The following AFAP1L1 variants were observed in gnomAD, a reference collection of about 807,000 sequenced individuals.
AFAP1L1 encodes the protein actin filament associated protein 1 like 1.
Under a neutral mutation model 99.8 loss-of-function variants are expected in AFAP1L1, and 77 were observed. That is an observed-to-expected ratio of 0.77 (90% confidence interval 0.64 to 0.93). AFAP1L1 has a LOEUF of 0.93. AFAP1L1 is among the 40% of genes least tolerant of loss of function. AFAP1L1 has a pLI of 0.00. For missense variants in AFAP1L1, 893 were observed against 996.8 expected, an observed-to-expected ratio of 0.90 and a Z score of 1.40; for synonymous variants, 373 against 395.3, an observed-to-expected ratio of 0.94 and a Z score of 0.67.
intron 16 of AFAP1L1, among the ~76,000 whole-genome samples, chr5:149,331,265 C>T (rs974953793): frequency 1.3e-5 from 2 of 151,984 alleles, no homozygotes; most frequent in Non-Finnish European, 2.9e-5. Flanking sequence ...AATGAGACTT[C>T]ATCTCTATTT....
intron 1 of AFAP1L1, among the ~76,000 whole-genome samples, chr5:149,283,532 T>C (rs1010850696): frequency 6.6e-6 from 1 of 152,216 alleles, no homozygotes; most frequent in African/African-American, 2.4e-5. Flanking sequence ...GAACATACCT[T>C]ACAATTGACA....
chr5:149,330,423 C>T (rs897207930), intron 16 of AFAP1L1, among the ~76,000 whole-genome samples: 1 of 152,186 alleles, frequency 6.6e-6, no homozygotes, highest in Non-Finnish European at 1.5e-5. Context: ...TTCTATATAA[C>T]ATGTCCACAA....
At chr5:149,274,884 C>CAAA (rs60097014) in intron 1 of AFAP1L1, among the ~76,000 whole-genome samples, 14 of 123,512 alleles carry the variant, frequency 1.1e-4, no homozygotes, top group African/African-American at 3.0e-4. Flanking sequence ...GATTCTGTCT[C>CAAA]AAAAAAAAAA....
intron 12 of AFAP1L1, among the ~76,000 whole-genome samples, chr5:149,318,412 C>G (rs2127599377): frequency 6.6e-6 from 1 of 152,348 alleles, no homozygotes; most frequent in South Asian, 2.1e-4. Flanking sequence ...GTACCCTCCT[C>G]TGGTGGAGGA....
At chr5:149,293,300 C>G (rs895322904) in intron 1 of AFAP1L1, among the ~76,000 whole-genome samples, 1 of 152,186 alleles carries the variant, frequency 6.6e-6, no homozygotes, top group African/African-American at 2.4e-5. Context: ...AAATTTCCCC[C>G]AGAGGCCCAC....
intron 2 of AFAP1L1, among the ~76,000 whole-genome samples, 167 bp downstream of exon 2, chr5:149,299,804 G>A (rs187071070): frequency 5.3e-5 from 8 of 151,650 alleles, no homozygotes; most frequent in Non-Finnish European, 7.4e-5. Context: ...CATTCCATGC[G>A]AGCTCTTGCC....
chr5:149,339,178 CT>C (rs35468603), intron 18 of AFAP1L1, among the ~76,000 whole-genome samples: 3,507 of 126,112 alleles, frequency 0.028, 77 homozygotes, highest in African/African-American at 0.091. Flanking sequence ...CCCAATAAAG[CT>C]TTTTTTTTTT....
At chr5:149,290,883 T>G (rs991815644) in intron 1 of AFAP1L1, among the ~76,000 whole-genome samples, 5 of 152,262 alleles carry the variant, frequency 3.3e-5, no homozygotes, top group Non-Finnish European at 5.9e-5. Flanking sequence ...ACTTAAACAT[T>G]TGCCCTATGT....
intron 1 of AFAP1L1, among the ~76,000 whole-genome samples, chr5:149,274,901 A>AG (rs961960548): frequency 2.6e-5 from 4 of 151,368 alleles, no homozygotes; most frequent in African/African-American, 9.7e-5. Context: ...AAAAAAAAAA[A>AG]AGTATTCCAG....
At chr5:149,283,687 C>T (rs922155657) in intron 1 of AFAP1L1, among the ~76,000 whole-genome samples, 10 of 152,142 alleles carry the variant, frequency 6.6e-5, no homozygotes, top group African/African-American at 2.4e-4. Flanking sequence ...CAGATTTATT[C>T]ATTTGTAGAA....
At chr5:149,336,032 C>A (rs1757396139) in intron 18 of AFAP1L1, among the ~76,000 whole-genome samples, 1 of 152,130 alleles carries the variant, frequency 6.6e-6, no homozygotes, top group Non-Finnish European at 1.5e-5. Flanking sequence ...TGGGACTTGC[C>A]CAGGGCTATG....
At position 149,320,035 on chromosome 5, in the gene AFAP1L1, C is replaced by T. The variant is rs1756907370; in HGVS notation, c.1625+308C>T. ...GCTTTCACACACTGGAGCATGGGCA[C>T]GTGGCTAGTATATGGCATTTGGTAC... On this transcript the variant is annotated intron_variant, in intron 13 of 18. Transcript: ENST00000296721. The surrounding 1 kb of genome is among the most constrained non-coding windows in gnomAD (Gnocchi z 4.0). Among the ~76,000 whole-genome samples, 1 of 152,170 alleles carries T rather than the reference C, an allele frequency of 6.6e-6. No homozygotes were observed. The highest frequency in any genetic ancestry group is 1.5e-5 in the Non-Finnish European group (1 of 68,046).
intron 1 of AFAP1L1, among the ~76,000 whole-genome samples, chr5:149,285,566 T>A (rs531670805): frequency 6.6e-6 from 1 of 152,268 alleles, no homozygotes; most frequent in South Asian, 2.1e-4. Context: ...GGGTTCACAA[T>A]GCCACAGCTA....
chr5:149,316,381 A>C, intron 11 of AFAP1L1, 78 bp downstream of exon 11: 3 of 1,527,214 alleles, frequency 2.0e-6, no homozygotes, highest in Non-Finnish European at 2.7e-6. Flanking sequence ...AGGAGACCTC[A>C]TGCCTCGTCC....
At chr5:149,299,849 C>T (rs752630325) in intron 2 of AFAP1L1, among the ~76,000 whole-genome samples, 4 of 152,096 alleles carry the variant, frequency 2.6e-5, no homozygotes, top group Non-Finnish European at 4.4e-5. Context: ...CACCTCCCCA[C>T]CGACAGCCCT....
chr5:149,273,854 C>T (rs1490563646), intron 1 of AFAP1L1, among the ~76,000 whole-genome samples: 1 of 151,018 alleles, frequency 6.6e-6, no homozygotes, highest in Non-Finnish European at 1.5e-5. Context: ...CCTGTCTGAT[C>T]TCCAGTACAA....
Position 149,332,808 on chromosome 5 carries a change from T to C in AFAP1L1, c.2089T>C (p.Leu697=). 1 of 1,612,878 alleles carries C rather than the reference T, an allele frequency of 6.2e-7. No homozygotes were observed. ...GAAGCTGGTGGCTGTGAAGGAGCGC[T>C]TGCAGCAGTCCCTGGCAGGAGGGCC... ...ELKLVAVKER[L]QQSLAGGPAL... is the part of the protein sequence containing the mutation. Residue 697 remains leucine, a synonymous_variant, in exon 17 of 19, where the codon TTG becomes CTG. Transcript: ENST00000296721.
At chr5:149,272,401 C>T (rs1375530785) in intron 1 of AFAP1L1, among the ~76,000 whole-genome samples, 1 of 152,144 alleles carries the variant, frequency 6.6e-6, no homozygotes, top group Non-Finnish European at 1.5e-5. Flanking sequence ...CCGAAGTTTG[C>T]AGCTGCCTAG....
chr5:149,283,472 A>G (rs1177956177), intron 1 of AFAP1L1, among the ~76,000 whole-genome samples: 3 of 152,208 alleles, frequency 2.0e-5, no homozygotes, highest in East Asian at 3.8e-4. Flanking sequence ...AAATTAAACC[A>G]TATGTATTTT....
Sources: gnomAD v4.1 joint callset for allele counts (sites outside exome capture counted in the v4.1 genomes callset) on GRCh38, gnomAD v4.1.1 for gene constraint, Gnocchi (gnomAD v3.1) non-coding constraint, MANE v1.5 for transcripts, NCBI Gene and HGNC (gene_info 2026-07-23, HGNC 2026-07-21) for gene names.